The following TRPM3 variants were observed in gnomAD, a reference collection of about 807,000 sequenced individuals.
TRPM3 encodes long transient receptor potential channel 3.
In TRPM3, 77 loss-of-function variants were observed where a neutral mutation model predicts 181.2. The ratio of observed to expected loss-of-function variants is 0.42; its 90% CI spans 0.35 to 0.51. The LOEUF is 0.51. TRPM3 is among the 20% of genes least tolerant of loss of function. TRPM3 has a pLI of 0.01. For missense variants in TRPM3, 1,759 were observed against 2,196.7 expected (o/e 0.80, Z 3.98); for synonymous variants, 745 against 796.4 (o/e 0.94, Z 1.09).
chr9:71,104,869 C>T (rs1259458730), intron 1 of TRPM3, among the ~76,000 whole-genome samples: 1 of 152,124 alleles, frequency 6.6e-6, no homozygotes, highest in Non-Finnish European at 1.5e-5. Context: ...AACTGAAACG[C>T]TTATATTGTA....
rs180946565 is a variant in TRPM3, at chr9:70,609,953, T to C, written c.2667+656A>G. On this transcript the variant is annotated intron_variant, in intron 19 of 25. Coordinates refer to ENST00000677713, the MANE Select transcript of TRPM3 (RefSeq NM_001366145.2). ...AACAGTAGAAGTAGAGAACCAATAA[T>C]TGAACAATTTCTACCATATCAGGAG... 2.6e-5 allele frequency among the ~76,000 whole-genome samples: 4 copies of C among 152,220 alleles called. No individual in the cohort carries two copies. The East Asian group carries it at 5.8e-4, about 22-fold the overall frequency.
At chr9:70,810,969 G>A (rs923037851) in intron 6 of TRPM3, among the ~76,000 whole-genome samples, 2 of 152,110 alleles carry the variant, frequency 1.3e-5, no homozygotes, top group African/African-American at 4.8e-5. Context: ...GTGCCGTCAA[G>A]CTGTCCTATA....
intron 1 of TRPM3, among the ~76,000 whole-genome samples, chr9:71,069,277 A>C (rs962605043): frequency 6.6e-6 from 1 of 152,038 alleles, no homozygotes; most frequent in Non-Finnish European, 1.5e-5. Flanking sequence ...CACAGGTTCA[A>C]GTGATTCTCC....
At chr9:70,691,818 G>T (rs1352791153) in intron 8 of TRPM3, among the ~76,000 whole-genome samples, 1 of 152,142 alleles carries the variant, frequency 6.6e-6, no homozygotes, top group East Asian at 1.9e-4. Context: ...CCTACTCAAA[G>T]ACACTACTGA....
intron 6 of TRPM3, among the ~76,000 whole-genome samples, chr9:70,787,022 G>T (rs187617133): frequency 7.9e-4 from 120 of 152,262 alleles, no homozygotes; most frequent in African/African-American, 2.7e-3. Context: ...AAGATGGCTG[G>T]AAACCTCCTC....
intron 1 of TRPM3, among the ~76,000 whole-genome samples, chr9:71,374,129 A>G (rs2092604210): frequency 6.6e-6 from 1 of 152,174 alleles, no homozygotes; most frequent in Non-Finnish European, 1.5e-5. Context: ...TAATCCTCAC[A>G]CTTTGGAAGG....
chr9:70,591,284 G>C, intron 21 of TRPM3, 79 bp from the exon 22 acceptor site: 1 of 1,273,848 alleles, frequency 7.9e-7, no homozygotes, highest in Non-Finnish European at 1.1e-6. Flanking sequence ...TGACAATGAT[G>C]GGAACCTTTG....
chr9:71,083,231 C>A lies in TRPM3; in HGVS notation c.177+37947G>T, dbSNP rs143193321. ...ATTATTTTCAGTCTCATAATGATAA[C>A]TACCATTTATTGAGTGCTTATCATG... On this transcript the variant is annotated intron_variant, in intron 1 of 25. Coordinates refer to ENST00000677713, the MANE Select transcript of TRPM3 (RefSeq NM_001366145.2). Among the ~76,000 whole-genome samples the A allele has an allele frequency of 3.2e-4, 48 of 152,162 alleles. No individual in the cohort carries two copies. The East Asian group carries it at 8.7e-3, about 28-fold the overall frequency.
At chr9:71,335,960 G>T (rs987941999) in intron 1 of TRPM3, among the ~76,000 whole-genome samples, 2 of 152,020 alleles carry the variant, frequency 1.3e-5, no homozygotes, top group African/African-American at 4.8e-5. Flanking sequence ...GATCAGTCCA[G>T]GAGAAAAATA....
intron 1 of TRPM3, among the ~76,000 whole-genome samples, chr9:71,393,865 T>C (rs1402993277): frequency 1.3e-5 from 2 of 152,188 alleles, no homozygotes; most frequent in African/African-American, 2.4e-5. Context: ...TAAATTCTTC[T>C]CCTGATTTTT....
At chr9:71,056,380 TG>T (rs2060652157) in intron 1 of TRPM3, among the ~76,000 whole-genome samples, 1 of 152,000 alleles carries the variant, frequency 6.6e-6, no homozygotes, top group South Asian at 2.1e-4. Context: ...TAGAATACAC[TG>T]CAGAGATATG....
intron 22 of TRPM3, among the ~76,000 whole-genome samples, chr9:70,580,742 C>T (rs1368163425): frequency 6.6e-6 from 1 of 152,234 alleles, no homozygotes; most frequent in Non-Finnish European, 1.5e-5. Flanking sequence ...TCCAGCTTAA[C>T]TGTTACCTCC....
chr9:70,537,361 T>G lies in TRPM3; in HGVS notation c.3752A>C (p.Glu1251Ala), dbSNP rs759032254. 6.7e-7 allele frequency: 1 copy of G among 1,497,140 alleles called. No homozygotes were observed. 92.7% of individuals were successfully genotyped at this position (1,497,140 alleles called of 1,614,324 possible). ...CTGGAGTGAAGCCTTCATGGAGTGC[T>G]CTCTCTCGTTGACTTCCTCCAGCCG... Reference protein sequence around the residue: ...SMRLEEVNEREHSMKASLQTV... With the variant: ...SMRLEEVNERAHSMKASLQTV... The change falls in exon 26 of 26, where the codon GAG becomes GCG. Residue 1251 changes from glutamate (E) to alanine (A), a missense_variant. Transcript: ENST00000677713.
At chr9:70,737,932 T>C (rs983185898) in intron 8 of TRPM3, among the ~76,000 whole-genome samples, 5 of 152,144 alleles carry the variant, frequency 3.3e-5, no homozygotes, top group African/African-American at 1.2e-4. Context: ...GTGATGGACA[T>C]TAATGCTCCA....
chr9:70,572,201 G>A (rs576340043), intron 22 of TRPM3, among the ~76,000 whole-genome samples: 4 of 151,980 alleles, frequency 2.6e-5, no homozygotes, highest in South Asian at 2.1e-4. Flanking sequence ...TGTGGAATTC[G>A]TAATGCTTTC....
At chr9:71,200,378 G>A (rs1202516966) in intron 1 of TRPM3, among the ~76,000 whole-genome samples, 5 of 151,330 alleles carry the variant, frequency 3.3e-5, no homozygotes, top group African/African-American at 1.2e-4. Flanking sequence ...TTCTGTAGAT[G>A]TCTATTAGGC....
Position 70,548,847 on chromosome 9 carries a change from G to GCTCTCTCTCTCT in TRPM3, c.3707+683_3707+694dup, listed in dbSNP as rs56761379. Among the ~76,000 whole-genome samples the GCTCTCTCTCTCT allele has an allele frequency of 1.8e-3, 273 of 150,172 alleles. 2 individuals are homozygous for GCTCTCTCTCTCT. The highest frequency in any genetic ancestry group is 0.011 in the South Asian group (53 of 4,726). ...AATTCTCTTTATTTGAAGATCTTGTGCTCTCTCTCTCTCTCTCTCTCTTTT... is the reference window on the plus strand; with the variant it reads ...AATTCTCTTTATTTGAAGATCTTGTGCTCTCTCTCTCTCTCTCTCTCTCTCTCTCTCTCTTTT... On this transcript the variant is annotated intron_variant, in intron 25 of 25. Transcript: ENST00000677713.
intron 1 of TRPM3, among the ~76,000 whole-genome samples, chr9:71,307,405 A>C (rs2087455097): frequency 6.6e-6 from 1 of 152,210 alleles, no homozygotes; most frequent in South Asian, 2.1e-4. Flanking sequence ...AGAGCTGATA[A>C]GTATTCAATT....
intron 1 of TRPM3, among the ~76,000 whole-genome samples, chr9:71,198,629 A>T (rs1351090875): frequency 1.3e-4 from 19 of 150,198 alleles, no homozygotes; most frequent in Non-Finnish European, 2.4e-4. Context: ...ATTCTCTTTG[A>T]AGCAATTGTG....
Sources: gnomAD v4.1 joint callset for allele counts (sites outside exome capture counted in the v4.1 genomes callset) on GRCh38, gnomAD v4.1.1 for gene constraint, MANE v1.5 for transcripts, NCBI Gene and HGNC (gene_info 2026-07-23, HGNC 2026-07-21) for gene names.